SGCZ: variants seen among roughly 807,000 people sequenced by gnomAD.
SGCZ encodes zeta-sarcoglycan.
A neutral mutation model predicts 41.3 loss-of-function variants in SGCZ; 40 were observed. The ratio of observed to expected loss-of-function variants is 0.97; its 90% confidence interval spans 0.75 to 1.26. SGCZ has a LOEUF of 1.26. SGCZ is among the 50% of genes most tolerant of loss of function. The probability of loss-of-function intolerance (pLI) is 0.00; values close to 1 mark genes in which losing one functional copy is unlikely to be tolerated. For synonymous variants in SGCZ, 206 were observed against 137.5 expected (o/e 1.50, Z -3.49); for missense variants, 552 against 369.8 (o/e 1.49, Z -4.04).
chr8:14,856,838 C>A (rs1427211723), intron 1 of SGCZ, among the ~76,000 whole-genome samples: 1 of 152,084 alleles, frequency 6.6e-6, no homozygotes, highest in African/African-American at 2.4e-5. Context: ...TAAAAGCAAA[C>A]CATACCTCAC....
At chr8:14,721,341 T>C (rs1172995752) in intron 1 of SGCZ, among the ~76,000 whole-genome samples, 1 of 152,196 alleles carries the variant, frequency 6.6e-6, no homozygotes, top group African/African-American at 2.4e-5. Flanking sequence ...CATTTTCACT[T>C]GAATGTCTAA....
intron 1 of SGCZ, among the ~76,000 whole-genome samples, chr8:15,225,204 C>A (rs1468538132): frequency 6.6e-6 from 1 of 152,050 alleles, no homozygotes; most frequent in Non-Finnish European, 1.5e-5. Context: ...CAATTTTCAA[C>A]AAACTTCAAA....
At chr8:14,091,758 A>G (rs972279183) in intron 7 of SGCZ, among the ~76,000 whole-genome samples, 3 of 152,026 alleles carry the variant, frequency 2.0e-5, no homozygotes, top group South Asian at 4.1e-4. Context: ...GATTGCAAAA[A>G]TTTTCTGCCA....
At chr8:14,585,169 T>C (rs568210593) in intron 1 of SGCZ, among the ~76,000 whole-genome samples, 1 of 152,258 alleles carries the variant, frequency 6.6e-6, no homozygotes, top group African/African-American at 2.4e-5. Context: ...ACAAGGAAAC[T>C]CTCAGTAAAA....
At chr8:14,276,086 G>C (rs1379536175) in intron 3 of SGCZ, among the ~76,000 whole-genome samples, 2 of 152,178 alleles carry the variant, frequency 1.3e-5, no homozygotes, top group Non-Finnish European at 2.9e-5. Flanking sequence ...CCTTGGGGGA[G>C]AGCAGGGGAC....
chr8:14,875,988 C>G (rs1455612652), intron 1 of SGCZ, among the ~76,000 whole-genome samples: 1 of 152,146 alleles, frequency 6.6e-6, no homozygotes, highest in African/African-American at 2.4e-5. Flanking sequence ...ACACCAAACA[C>G]AAACCATTTG....
chr8:15,050,655 G>A (rs1461237911), intron 1 of SGCZ, among the ~76,000 whole-genome samples: 2 of 152,138 alleles, frequency 1.3e-5, no homozygotes, highest in African/African-American at 4.8e-5. Flanking sequence ...CCTTTCATCA[G>A]AGAACTTCAG....
chr8:14,931,552 C>A (rs1799922774), intron 1 of SGCZ, among the ~76,000 whole-genome samples: 1 of 151,880 alleles, frequency 6.6e-6, no homozygotes, highest in Non-Finnish European at 1.5e-5. Flanking sequence ...AATTTTTTAG[C>A]AACCTGGCTT....
At chr8:14,673,210 C>A (rs545447458) in intron 1 of SGCZ, among the ~76,000 whole-genome samples, 12 of 152,258 alleles carry the variant, frequency 7.9e-5, no homozygotes, top group Admixed American at 5.2e-4. Flanking sequence ...TAATTTATGA[C>A]CTATTAGATG....
intron 3 of SGCZ, among the ~76,000 whole-genome samples, chr8:14,305,966 C>T (rs940006245): frequency 5.3e-5 from 8 of 152,166 alleles, no homozygotes; most frequent in Non-Finnish European, 1.2e-4. Context: ...CCATTTCAAC[C>T]ATCATACCGA....
intron 2 of SGCZ, among the ~76,000 whole-genome samples, chr8:14,443,294 G>A (rs28845923): frequency 1.1e-4 from 17 of 151,676 alleles, no homozygotes; most frequent in African/African-American, 1.4e-4. Flanking sequence ...TTTCTTCACA[G>A]AATTGGAAAA....
At position 14,427,538 on chromosome 8, in the gene SGCZ, G is replaced by A. The variant is rs541992532; in HGVS notation, c.235-103334C>T. ...GCGTTTCCATGAGGAAACTCTACTCGTCTCCCCAGGAGATTAGAATCTTTG... is the reference window on the plus strand; with the variant it reads ...GCGTTTCCATGAGGAAACTCTACTCATCTCCCCAGGAGATTAGAATCTTTG... On this transcript the variant is annotated intron_variant, in intron 2 of 7. Transcript: ENST00000382080. 3.0e-4 allele frequency among the ~76,000 whole-genome samples: 45 copies of A among 151,962 alleles called. 1 individual carries two copies. The highest frequency in any genetic ancestry group is 8.8e-5 in the Non-Finnish European group (6 of 67,990).
At chr8:14,742,725 G>C (rs1358327217) in intron 1 of SGCZ, among the ~76,000 whole-genome samples, 1 of 152,012 alleles carries the variant, frequency 6.6e-6, no homozygotes, top group East Asian at 1.9e-4. Flanking sequence ...ATACTCCTGA[G>C]AATACAAAAC....
chr8:14,312,795 T>A (rs1801592019), intron 3 of SGCZ, among the ~76,000 whole-genome samples: 1 of 152,184 alleles, frequency 6.6e-6, no homozygotes, highest in Non-Finnish European at 1.5e-5. Context: ...TATGGCTCCA[T>A]GTTTCTTTAT....
At chr8:15,150,851 G>A (rs374621861) in intron 1 of SGCZ, among the ~76,000 whole-genome samples, 1 of 152,146 alleles carries the variant, frequency 6.6e-6, no homozygotes, top group African/African-American at 2.4e-5. Context: ...ATTTGCAGCT[G>A]ACTAAAGTCT....
At chr8:15,206,452 C>CTTTTTTTTT (rs3069943) in intron 1 of SGCZ, among the ~76,000 whole-genome samples, 2 of 144,380 alleles carry the variant, frequency 1.4e-5, no homozygotes. Flanking sequence ...TCTGGGGAGT[C>CTTTTTTTTT]TTTTTTTTTT....
chr8:14,497,452 C>A (rs1181081377), intron 2 of SGCZ, among the ~76,000 whole-genome samples: 1 of 152,110 alleles, frequency 6.6e-6, no homozygotes, highest in African/African-American at 2.4e-5. Flanking sequence ...GACTCACACC[C>A]TGCAGGCTGA....
At chr8:14,143,580 T>G (rs982799084) in intron 5 of SGCZ, among the ~76,000 whole-genome samples, 4 of 152,132 alleles carry the variant, frequency 2.6e-5, no homozygotes, top group African/African-American at 9.7e-5. Context: ...TAGAGCAAGA[T>G]AGCAGACATG....
At chr8:14,172,947 G>T (rs144337920) in intron 4 of SGCZ, among the ~76,000 whole-genome samples, 1 of 152,102 alleles carries the variant, frequency 6.6e-6, no homozygotes, top group African/African-American at 2.4e-5. Flanking sequence ...GATGAACAAA[G>T]GTTATCAATG....
Sources: allele counts gnomAD v4.1 joint callset (sites outside exome capture counted in the v4.1 genomes callset), GRCh38; gene constraint gnomAD v4.1.1; transcripts MANE v1.5; gene names NCBI Gene and HGNC (gene_info 2026-07-23, HGNC 2026-07-21).